GRM4: variants seen among roughly 807,000 people sequenced by gnomAD.
GRM4 encodes the protein metabotropic glutamate receptor 4.
GRM4 carries 28 observed loss-of-function variants against 81.7 expected under a neutral mutation model. The ratio of observed to expected loss-of-function variants is 0.34; its 90% CI spans 0.25 to 0.47. The LOEUF (loss-of-function observed/expected upper bound fraction) is 0.47. GRM4 is among the 20% of genes least tolerant of loss of function. GRM4 has a pLI of 1.00. For synonymous variants in GRM4, 488 were observed against 528.8 expected (o/e 0.92, Z 1.06); for missense variants, 948 against 1,290.0 (o/e 0.73, Z 4.06).
intron 8 of GRM4, among the ~76,000 whole-genome samples, chr6:34,039,542 A>T (rs1302658727): frequency 6.6e-6 from 1 of 152,198 alleles, no homozygotes; most frequent in African/African-American, 2.4e-5. Context: ...CTCTCCGAAA[A>T]CACTGCTCTG....
At chr6:34,146,396 G>A (rs1770932972), upstream of GRM4, among the ~76,000 whole-genome samples, 1 of 152,202 alleles carries the variant, frequency 6.6e-6, no homozygotes. Flanking sequence ...AAGTGTAACA[G>A]GTGGCCTCCT....
chr6:34,080,000 C>T (rs541843888), intron 3 of GRM4, among the ~76,000 whole-genome samples: 8 of 152,100 alleles, frequency 5.3e-5, no homozygotes, highest in Non-Finnish European at 8.8e-5. Flanking sequence ...TCCCCACAGG[C>T]CCCCCCAGGG....
At chr6:34,076,422 T>C (rs1406326898) in intron 3 of GRM4, among the ~76,000 whole-genome samples, 2 of 151,604 alleles carry the variant, frequency 1.3e-5, no homozygotes, top group Non-Finnish European at 2.9e-5. Flanking sequence ...CTCCTTTTGG[T>C]GGCAGAACAG....
rs1769391820 is a variant in GRM4 at position 34,111,765 on chromosome 6, TG to T, written c.520-19667del. ...AGGTCGCTGGGCACTGGCACCAGCT[TG>T]GGGATGCCCAGAGGCTGCCCCCCGG... On this transcript the variant is annotated intron_variant, in intron 2 of 10. Transcript: ENST00000538487. The surrounding 1 kb of genome is among the most constrained non-coding windows in gnomAD (Gnocchi z 5.1). Among the ~76,000 whole-genome samples, 1 of 152,174 alleles carries T rather than the reference TG, an allele frequency of 6.6e-6. No homozygotes were observed. The highest frequency in any genetic ancestry group is 2.1e-4 in the South Asian group (1 of 4,834).
rs1479212676 is a variant in GRM4, at chr6:34,130,991, T to C, written c.519+1987A>G. On this transcript the variant is annotated intron_variant, in intron 2 of 10. Coordinates refer to ENST00000538487, the MANE Select transcript of GRM4 (RefSeq NM_000841.4). The surrounding 1 kb of genome is among the most constrained non-coding windows in gnomAD (Gnocchi z 4.1). ...GGAGTCCAAGGCTTGTCCCCTCTGCTGGATGGCCCAGGCTGCCTCAGCTCC... is the reference window on the plus strand; with the variant it reads ...GGAGTCCAAGGCTTGTCCCCTCTGCCGGATGGCCCAGGCTGCCTCAGCTCC... Among the ~76,000 whole-genome samples the C allele has an allele frequency of 1.3e-5, 2 of 152,214 alleles. No homozygotes were observed. Among genetic ancestry groups the C allele is most frequent in the Non-Finnish European group, 2.9e-5 (2 of 68,010 alleles).
At chr6:34,120,714 G>C (rs946632541) in intron 2 of GRM4, among the ~76,000 whole-genome samples, 3 of 151,954 alleles carry the variant, frequency 2.0e-5, no homozygotes, top group Non-Finnish European at 2.9e-5. Context: ...CTCCACACAC[G>C]AGCACATCAT....
intron 3 of GRM4, among the ~76,000 whole-genome samples, chr6:34,084,015 T>C (rs1476191441): frequency 6.6e-6 from 1 of 152,170 alleles, no homozygotes; most frequent in African/African-American, 2.4e-5. Context: ...CCAGCACTCC[T>C]CTGAGAGACA....
intron 3 of GRM4, among the ~76,000 whole-genome samples, chr6:34,067,644 T>C (rs1177019750): frequency 6.7e-6 from 1 of 148,174 alleles, no homozygotes; most frequent in Non-Finnish European, 1.5e-5. Flanking sequence ...TTCCTTCCAC[T>C]GCCCTGCTCA....
In GRM4 at chr6:34,141,769, C is replaced by G. The variant is rs527873283; in HGVS notation, c.-364+4231G>C. Among the ~76,000 whole-genome samples the G allele has an allele frequency of 9.9e-5, 15 of 152,258 alleles. No individual in the cohort carries two copies. In the South Asian group the frequency reaches 2.9e-3, roughly 30 times the overall value. On this transcript the variant is annotated intron_variant, in intron 1 of 10. Transcript: ENST00000538487. ...AAGCAAGTTCCATTGACATGCCTCCCTTCCAGGAGCAGGCTCAGGCAAGGC... is the reference window on the plus strand; with the variant it reads ...AAGCAAGTTCCATTGACATGCCTCCGTTCCAGGAGCAGGCTCAGGCAAGGC...
In GRM4 at chr6:34,091,964, T is replaced by C. The variant is rs1768249073; in HGVS notation, c.655A>G (p.Asn219Asp). The C allele has an allele frequency of 6.2e-7, 1 of 1,614,030 alleles. No individual in the cohort carries two copies. Among genetic ancestry groups the C allele is most frequent in the Non-Finnish European group, 8.5e-7 (1 of 1,179,992 alleles). Residue 219 changes from asparagine (N) to aspartate (D), a missense_variant, in exon 3 of 11, where the codon AAC becomes GAC. Coordinates refer to ENST00000538487, the MANE Select transcript of GRM4 (RefSeq NM_000841.4). Reference sequence around the variant, plus strand: ...TCCGAGGCCACTGTGGACACATAGTTCCACTTGAGGGCACGGACGATGTCC... The same window carrying C: ...TCCGAGGCCACTGTGGACACATAGTCCCACTTGAGGGCACGGACGATGTCC... The part of the protein sequence containing the change: ...MVDIVRALKW[N>D]YVSTVASEGS...
intron 9 of GRM4, 122 bp from the exon 10 acceptor site, chr6:34,028,488 G>T: frequency 2.8e-6 from 3 of 1,089,998 alleles, no homozygotes; most frequent in Non-Finnish European, 3.9e-6. Context: ...GGAAGTCGTG[G>T]CTTGGAGCTG....
intron 3 of GRM4, among the ~76,000 whole-genome samples, chr6:34,077,771 T>C (rs997046558): frequency 6.6e-6 from 1 of 152,192 alleles, no homozygotes; most frequent in Non-Finnish European, 1.5e-5. Flanking sequence ...GTCAGCTCCA[T>C]CTGTTCTTAA....
chr6:34,039,387 G>T (rs1039662741), intron 8 of GRM4, among the ~76,000 whole-genome samples: 1 of 152,122 alleles, frequency 6.6e-6, no homozygotes, highest in African/African-American at 2.4e-5. Flanking sequence ...GAGAGTGGAG[G>T]CCAGATGAGG....
chr6:34,028,048 G>C (rs1470911870), intron 10 of GRM4, 72 bp downstream of exon 10: 5 of 1,482,666 alleles, frequency 3.4e-6, no homozygotes, highest in Non-Finnish European at 4.5e-6. Context: ...GGAGGGGCAG[G>C]AGCTCAGCCC....
chr6:34,082,585 G>A (rs1276910275), intron 3 of GRM4, among the ~76,000 whole-genome samples: 2 of 152,212 alleles, frequency 1.3e-5, no homozygotes, highest in African/African-American at 4.8e-5. Context: ...CCAGGGACAA[G>A]AGCCAGGACC....
chr6:34,032,764 G>A, intron 9 of GRM4, among the ~76,000 whole-genome samples: 1 of 152,194 alleles, frequency 6.6e-6, no homozygotes, highest in Non-Finnish European at 1.5e-5. Context: ...AAAGGGTAGG[G>A]AGGCTGAGTT....
chr6:34,138,061 A>G (rs147838176), intron 1 of GRM4, among the ~76,000 whole-genome samples: 2 of 152,318 alleles, frequency 1.3e-5, no homozygotes, highest in Non-Finnish European at 2.9e-5. Context: ...TTTTTCATTG[A>G]GTTTCTTTTT....
At chr6:34,141,712 C>T (rs1770698459) in intron 1 of GRM4, among the ~76,000 whole-genome samples, 1 of 152,124 alleles carries the variant, frequency 6.6e-6, no homozygotes, top group African/African-American at 2.4e-5. Flanking sequence ...GCGGGGTGGG[C>T]TGGCTGCTAG....
rs1197648525 is a variant in GRM4, at chr6:34,115,734, G to C, written c.519+17244C>G. On this transcript the variant is annotated intron_variant, in intron 2 of 10. Coordinates refer to ENST00000538487, the MANE Select transcript of GRM4 (RefSeq NM_000841.4). This position sits in a 1 kb window ranked among gnomAD's most constrained non-coding sequence, Gnocchi z 4.1. The stretch of plus-strand genomic sequence containing the variant: ...CCCTCCCTAAATAACTGTGCAGCGC[G>C]AGGCTGGAGGAGGAGTTCGAGGTTC... Among the ~76,000 whole-genome samples the C allele has an allele frequency of 6.6e-6, 1 of 152,176 alleles. No homozygotes were observed. Among genetic ancestry groups the C allele is most frequent in the Non-Finnish European group, 1.5e-5 (1 of 68,024 alleles).
Sources: allele counts gnomAD v4.1 joint callset (sites outside exome capture counted in the v4.1 genomes callset), GRCh38; gene constraint gnomAD v4.1.1; non-coding constraint Gnocchi (gnomAD v3.1); transcripts MANE v1.5; gene names NCBI Gene and HGNC (gene_info 2026-07-23, HGNC 2026-07-21).